Variants in RAB3GAP1 observed in about 807,000 individuals in gnomAD.
The protein encoded by RAB3GAP1 is rab3 GTPase-activating protein catalytic subunit.
RAB3GAP1 carries 86 observed loss-of-function variants against 130.7 expected under a neutral mutation model. The observed-to-expected ratio is 0.66, with a 90% confidence interval of 0.55 to 0.79. RAB3GAP1 has a LOEUF of 0.79. RAB3GAP1 is among the 30% of genes least tolerant of loss of function. RAB3GAP1 has a pLI of 0.00. For synonymous variants in RAB3GAP1, 367 were observed against 401.7 expected (o/e 0.91, Z 1.03); for missense variants, 1,029 against 1,169.4 (o/e 0.88, Z 1.75).
At chr2:135,117,809 TTTC>T (rs1553445369) in intron 7 of RAB3GAP1, among the ~76,000 whole-genome samples, 6 of 110,324 alleles carry the variant, frequency 5.4e-5, no homozygotes, top group Admixed American at 2.0e-4. Context: ...CTTCTTCTTC[TTTC>T]TTCTTCTTTC....
intron 2 of RAB3GAP1, among the ~76,000 whole-genome samples, chr2:135,053,144 A>G (rs868363632): frequency 3.9e-5 from 6 of 152,300 alleles, no homozygotes; most frequent in Admixed American, 2.0e-4. Context: ...GGCACGCGCT[A>G]TTACGCCCAA....
At chr2:135,081,611 G>A (rs902069504) in intron 3 of RAB3GAP1, among the ~76,000 whole-genome samples, 9 of 151,638 alleles carry the variant, frequency 5.9e-5, no homozygotes, top group African/African-American at 1.9e-4. Context: ...AACTTTGTGA[G>A]CATAATTGCA....
chr2:135,054,010 A>G (rs1050296091), intron 2 of RAB3GAP1, among the ~76,000 whole-genome samples: 2 of 152,236 alleles, frequency 1.3e-5, no homozygotes, highest in African/African-American at 4.8e-5. Context: ...ATGAAGAAAT[A>G]TATCTTCACT....
intron 14 of RAB3GAP1, 55 bp from the exon 15 acceptor site, chr2:135,133,806 A>T: frequency 6.7e-7 from 1 of 1,482,966 alleles, no homozygotes; most frequent in Non-Finnish European, 9.4e-7. Flanking sequence ...TTTCAGTTAT[A>T]TGTGTAAAAT....
chr2:135,093,737 G>A (rs776909033), intron 5 of RAB3GAP1, 44 bp downstream of exon 5: 23 of 1,432,254 alleles, frequency 1.6e-5, no homozygotes, highest in East Asian at 1.1e-4. Context: ...TGTGTGTTGC[G>A]GGGGACCTCA....
chr2:135,168,886 C>T lies in RAB3GAP1; in HGVS notation c.*105C>T. On this transcript the variant is annotated 3_prime_UTR_variant, in exon 24 of 24. Transcript: ENST00000264158. ...GGGAGGTCCTGGAGAGGGCCCTGTC[C>T]AGTTGGGTGATCAGGAATCAAACCA... 1 of 954,906 alleles carries T rather than the reference C, an allele frequency of 1.0e-6. No individual in the cohort carries two copies. 59.2% of individuals were successfully genotyped at this position (954,906 alleles called of 1,614,324 possible). A position where few individuals can be genotyped will look rare whatever the true frequency, so the allele number is the denominator to read the frequency against.
At chr2:135,118,637 A>G (rs543374038) in intron 7 of RAB3GAP1, among the ~76,000 whole-genome samples, 1 of 151,922 alleles carries the variant, frequency 6.6e-6, no homozygotes, top group African/African-American at 2.4e-5. Flanking sequence ...TTTAATGTTC[A>G]CTCCCATCCA....
At position 135,133,992 on chromosome 2, in the gene RAB3GAP1, T is replaced by C; in HGVS notation, c.1458T>C (p.Leu486=). 1 of 1,613,996 alleles carries C rather than the reference T, an allele frequency of 6.2e-7. No individual in the cohort carries two copies. The highest frequency in any genetic ancestry group is 1.7e-4 in the Middle Eastern group (1 of 6,060). The change falls in exon 15 of 24, where the codon CTT becomes CTC. Residue 486 remains leucine, a synonymous_variant. Coordinates refer to ENST00000264158, the MANE Select transcript of RAB3GAP1 (RefSeq NM_012233.3). ...CACACCTCTGGCAGGAATTTGTTCT[T>C]GAAATGCGTTTCCGATGGGAAAACA... is the stretch of plus-strand genomic sequence containing the variant. The part of the protein sequence containing the change: ...GVAHLWQEFV[L]EMRFRWENNF...
chr2:135,091,071 C>T lies in RAB3GAP1; in HGVS notation c.224C>T (p.Thr75Ile), dbSNP rs751224598. 2 of 1,606,232 alleles carry T rather than the reference C, an allele frequency of 1.2e-6. No homozygotes were observed. The highest frequency in any genetic ancestry group is 4.5e-5 in the East Asian group (2 of 44,696). Reference sequence around the variant, plus strand: ...TTTGCTGACTTCAAGTTCTCAGTCACTCATCATTATCTTGTACAAGAGTCC... The same window carrying T: ...TTTGCTGACTTCAAGTTCTCAGTCATTCATCATTATCTTGTACAAGAGTCC... ...ISFADFKFSV[T>I]HHYLVQESTD... Residue 75 changes from threonine (T) to isoleucine (I), a missense_variant, in exon 4 of 24, where the codon ACT (threonine) becomes ATT (isoleucine). This residue lies in a region of RAB3GAP1 where 510 missense variants were observed against 532.1 expected (regional missense o/e 0.96). Coordinates refer to ENST00000264158, the MANE Select transcript of RAB3GAP1 (RefSeq NM_012233.3).
chr2:135,103,034 G>GGTTTTTT (rs1355666279), intron 5 of RAB3GAP1, among the ~76,000 whole-genome samples: 1 of 100,462 alleles, frequency 1.0e-5, no homozygotes, highest in African/African-American at 6.8e-5. Flanking sequence ...TCATTTTTGT[G>GGTTTTTT]ATTTTTTTTT....
In RAB3GAP1 at chr2:135,139,562, T is replaced by A. The variant is rs995232435; in HGVS notation, c.1923+3630T>A. ...TCTCAAAAATTAAAAAAAAAAAAAATAAAAAGTGCACAAATCTTTAGTATA... is the reference window on the plus strand; with the variant it reads ...TCTCAAAAATTAAAAAAAAAAAAAAAAAAAAGTGCACAAATCTTTAGTATA... On this transcript the variant is annotated intron_variant, in intron 17 of 23. Transcript: ENST00000264158. Among the ~76,000 whole-genome samples the A allele has an allele frequency of 1.6e-4, 24 of 149,174 alleles. No homozygotes were observed. The East Asian group carries it at 2.0e-3, about 12-fold the overall frequency.
intron 4 of RAB3GAP1, among the ~76,000 whole-genome samples, chr2:135,092,304 G>T (rs1460840066): frequency 6.6e-6 from 1 of 152,156 alleles, no homozygotes; most frequent in African/African-American, 2.4e-5. Flanking sequence ...TCAAGATAGC[G>T]AAAATTTAAG....
At chr2:135,082,006 G>A (rs1029685241) in intron 3 of RAB3GAP1, among the ~76,000 whole-genome samples, 1 of 151,942 alleles carries the variant, frequency 6.6e-6, no homozygotes, top group East Asian at 1.9e-4. Context: ...GCCAGGTGTG[G>A]TGGCACACAC....
chr2:135,174,400 G>A (rs1216262117), downstream of RAB3GAP1, among the ~76,000 whole-genome samples: 1 of 152,214 alleles, frequency 6.6e-6, no homozygotes, highest in Non-Finnish European at 1.5e-5. Flanking sequence ...GGTGTCCCAG[G>A]AGGCAGTCTC....
chr2:135,119,079 C>T (rs1447178541), intron 7 of RAB3GAP1, among the ~76,000 whole-genome samples: 1 of 146,272 alleles, frequency 6.8e-6, no homozygotes, highest in Non-Finnish European at 1.5e-5. Context: ...TTCCTCCCTC[C>T]CTCCCTCCCT....
intron 7 of RAB3GAP1, among the ~76,000 whole-genome samples, chr2:135,117,297 G>A (rs1690999849): frequency 6.6e-6 from 1 of 152,186 alleles, no homozygotes; most frequent in South Asian, 2.1e-4. Flanking sequence ...AAAAAGGCAA[G>A]TATTTATTAG....
At chr2:135,101,003 T>C (rs1690432913) in intron 5 of RAB3GAP1, among the ~76,000 whole-genome samples, 1 of 152,180 alleles carries the variant, frequency 6.6e-6, no homozygotes, top group African/African-American at 2.4e-5. Flanking sequence ...AAAAAGATAC[T>C]TGAGGCAGAA....
chr2:135,123,483 T>C (rs1175145085), intron 8 of RAB3GAP1, among the ~76,000 whole-genome samples: 1 of 152,208 alleles, frequency 6.6e-6, no homozygotes, highest in Non-Finnish European at 1.5e-5. Context: ...CAGTAGGCTT[T>C]AATTTCAGGA....
chr2:135,066,448 T>G (rs1689326074), intron 3 of RAB3GAP1, among the ~76,000 whole-genome samples: 2 of 152,242 alleles, frequency 1.3e-5, no homozygotes, highest in African/African-American at 4.8e-5. Flanking sequence ...GTTATAACCC[T>G]ATTTTATGGA....
Sources: gnomAD v4.1 joint callset for allele counts (sites outside exome capture counted in the v4.1 genomes callset) on GRCh38, gnomAD v4.1.1 for gene constraint, gnomAD v4.1.1 regional missense constraint, MANE v1.5 for transcripts, NCBI Gene and HGNC (gene_info 2026-07-23, HGNC 2026-07-21) for gene names.